Variants in NUS1 observed in about 807,000 individuals in gnomAD.
The protein encoded by NUS1 is dehydrodolichyl diphosphate synthase complex subunit NUS1.
For synonymous variants in NUS1, 135 were observed against 155.2 expected (o/e 0.87, Z 0.97); for missense variants, 292 against 382.9 (o/e 0.76, Z 1.98).
intron 1 of NUS1, among the ~76,000 whole-genome samples, chr6:117,685,608 T>C (rs1350632656): frequency 6.6e-6 from 1 of 152,080 alleles, no homozygotes; most frequent in African/African-American, 2.4e-5. Context: ...CATCTCAGCC[T>C]CCCAAAGTGT....
chr6:117,688,245 A>G (rs1773167339), intron 1 of NUS1, among the ~76,000 whole-genome samples: 1 of 152,152 alleles, frequency 6.6e-6, no homozygotes, highest in African/African-American at 2.4e-5. Context: ...TGTATATATA[A>G]TAAAGAACAG....
intron 2 of NUS1, 104 bp downstream of exon 2, chr6:117,693,271 T>C: frequency 8.6e-7 from 1 of 1,160,678 alleles, no homozygotes; most frequent in Admixed American, 2.1e-5. Context: ...CGTTGCTCTG[T>C]TACTCTTTAT....
intron 1 of NUS1, among the ~76,000 whole-genome samples, chr6:117,689,665 G>T (rs571098237): frequency 6.6e-6 from 1 of 151,898 alleles, no homozygotes; most frequent in African/African-American, 2.4e-5. Context: ...GGACTCAAGC[G>T]ATCCTCCCAC....
intron 3 of NUS1, among the ~76,000 whole-genome samples, chr6:117,699,908 A>C (rs1189018322): frequency 6.6e-6 from 1 of 152,212 alleles, no homozygotes; most frequent in East Asian, 1.9e-4. Context: ...ACAATGGGAA[A>C]AACCAGTATC....
In NUS1 at chr6:117,706,907, C is replaced by T. The variant is rs571735150; in HGVS notation, c.792-18C>T. ...GTGTATATCTAATTGCTTTTCTCCC[C>T]CCGTGTTTTCTTTTCAGCTCTTTGC... On this transcript the variant is annotated intron_variant, in intron 4 of 4. Transcript: ENST00000368494. 2 of 1,603,796 alleles carry T rather than the reference C, an allele frequency of 1.2e-6. No individual in the cohort carries two copies. The highest frequency in any genetic ancestry group is 2.2e-5 in the South Asian group (2 of 90,814).
At chr6:117,679,355 A>G (rs918823139) in intron 1 of NUS1, among the ~76,000 whole-genome samples, 10 of 152,194 alleles carry the variant, frequency 6.6e-5, no homozygotes, top group Non-Finnish European at 1.3e-4. Context: ...CAGCATTCTC[A>G]TTAGACTAGG....
At chr6:117,705,437 T>G (rs1773486909) in intron 4 of NUS1, among the ~76,000 whole-genome samples, 1 of 152,194 alleles carries the variant, frequency 6.6e-6, no homozygotes, top group Non-Finnish European at 1.5e-5. Context: ...AAGGGCATGT[T>G]AATGTGGAGT....
intron 1 of NUS1, among the ~76,000 whole-genome samples, chr6:117,687,543 C>T (rs532451392): frequency 1.3e-5 from 2 of 152,144 alleles, no homozygotes; most frequent in East Asian, 3.9e-4. Flanking sequence ...TTGGGAAAGG[C>T]CTCTTGAAGG....
intron 1 of NUS1, among the ~76,000 whole-genome samples, chr6:117,678,894 C>T (rs572334401): frequency 6.6e-6 from 1 of 152,206 alleles, no homozygotes; most frequent in East Asian, 1.9e-4. Context: ...ATTGGCCAGG[C>T]TGGTCTCAAA....
chr6:117,696,836 C>T (rs1319378358), intron 3 of NUS1, among the ~76,000 whole-genome samples: 5 of 152,060 alleles, frequency 3.3e-5, no homozygotes, highest in Admixed American at 1.3e-4. Flanking sequence ...GAAGGTACAA[C>T]TCTCACTGGT....
At chr6:117,692,601 G>A (rs1414991987) in intron 1 of NUS1, among the ~76,000 whole-genome samples, 1 of 151,944 alleles carries the variant, frequency 6.6e-6, no homozygotes, top group Non-Finnish European at 1.5e-5. Context: ...ATCAAATTGA[G>A]GCAAGATTAT....
chr6:117,699,176 A>C (rs1031134550), intron 3 of NUS1, among the ~76,000 whole-genome samples: 5 of 152,154 alleles, frequency 3.3e-5, no homozygotes, highest in Non-Finnish European at 1.5e-5. Context: ...AAAAGAAGGA[A>C]AAGGCATCCA....
intron 4 of NUS1, 37 bp downstream of exon 4, chr6:117,703,741 C>T (rs1392648417): frequency 7.0e-7 from 1 of 1,422,392 alleles, no homozygotes; most frequent in Non-Finnish European, 1.0e-6. Context: ...TGTTTAGATT[C>T]AGCAAGTGTT....
chr6:117,689,054 G>A (rs1773179817), intron 1 of NUS1, among the ~76,000 whole-genome samples: 1 of 152,152 alleles, frequency 6.6e-6, no homozygotes, highest in South Asian at 2.1e-4. Context: ...AAGAAGAAGA[G>A]GATTCAGTGG....
At chr6:117,697,500 G>A (rs1773336715) in intron 3 of NUS1, among the ~76,000 whole-genome samples, 1 of 151,998 alleles carries the variant, frequency 6.6e-6, no homozygotes, top group Non-Finnish European at 1.5e-5. Context: ...AAGAGCAGGA[G>A]TTACTATACT....
At chr6:117,681,236 G>T (rs189720479) in intron 1 of NUS1, among the ~76,000 whole-genome samples, 16 of 152,180 alleles carry the variant, frequency 1.1e-4, no homozygotes, top group South Asian at 4.1e-4. Context: ...AGGTACTTCT[G>T]TTCTCTGCTT....
At chr6:117,695,020 C>T (rs1773295838) in intron 3 of NUS1, among the ~76,000 whole-genome samples, 1 of 151,668 alleles carries the variant, frequency 6.6e-6, no homozygotes, top group East Asian at 1.9e-4. Flanking sequence ...CATAGCAAAA[C>T]CCCATCTCTA....
Position 117,675,916 on chromosome 6 carries a change from C to T in NUS1, c.246C>T (p.His82=), listed in dbSNP as rs1023259853. The T allele has an allele frequency of 1.9e-6, 3 of 1,543,494 alleles. No homozygotes were observed. The highest frequency in any genetic ancestry group is 2.6e-6 in the Non-Finnish European group (3 of 1,143,270). The change falls in exon 1 of 5, where the codon CAC becomes CAT. Residue 82 remains histidine, a synonymous_variant. Transcript: ENST00000368494. ...PRGGSCLAAA[H]HRMRWRADGR... ...GGGGGTCGTGCCTGGCAGCCGCACA[C>T]CACCGGATGCGCTGGCGCGCGGACG...
chr6:117,710,023 C>T lies in NUS1; in HGVS notation c.*3008C>T, dbSNP rs1268612602. The T allele has an allele frequency of 6.6e-6, 1 of 151,996 alleles. No homozygotes were observed. The highest frequency in any genetic ancestry group is 6.6e-5 in the Admixed American group (1 of 15,252). 9.4% of individuals were successfully genotyped at this position (151,996 alleles called of 1,614,324 possible). A position where few individuals can be genotyped will look rare whatever the true frequency, so the allele number is the denominator to read the frequency against. ...TTGATAGATAATAGTGAAATAAATTCAGCTTTGCCATTGCTGGAGTTGTCA... is the reference window on the plus strand; with the variant it reads ...TTGATAGATAATAGTGAAATAAATTTAGCTTTGCCATTGCTGGAGTTGTCA... On this transcript the variant is annotated 3_prime_UTR_variant, in exon 5 of 5. Coordinates refer to ENST00000368494, the MANE Select transcript of NUS1 (RefSeq NM_138459.5).
Sources: allele counts gnomAD v4.1 joint callset (sites outside exome capture counted in the v4.1 genomes callset), GRCh38; gene constraint gnomAD v4.1.1; transcripts MANE v1.5; gene names NCBI Gene and HGNC (gene_info 2026-07-23, HGNC 2026-07-21).